MID1: variants seen among roughly 807,000 people sequenced by gnomAD.
MID1 encodes the protein midline 1.
In MID1, 7 loss-of-function variants were observed where a neutral mutation model predicts 40.4. That is an observed-to-expected ratio of 0.17 (90% CI 0.10 to 0.33). MID1 has a LOEUF of 0.33. Among genes scored for constraint, MID1 ranks in the 10% least tolerant of loss-of-function variants. The pLI, the probability that MID1 is intolerant of heterozygous loss-of-function variation, is 1.00. For synonymous variants in MID1, 229 were observed against 221.2 expected, an observed-to-expected ratio of 1.04 and a Z score of -0.31; for missense variants, 367 against 558.5, an observed-to-expected ratio of 0.66 and a Z score of 3.46.
intron 3 of MID1, 47 bp downstream of exon 3, chrX:10,523,045 G>A (rs1210292021): frequency 1.1e-6 from 1 of 871,559 alleles, no homozygotes; most frequent in East Asian, 3.1e-5. Context: ...CCTTGATCTG[G>A]CAGTTTTCAT....
chrX:10,661,632 A>G (rs1569140916), intron 1 of MID1, among the ~76,000 whole-genome samples: 1 of 111,773 alleles, frequency 8.9e-6, no homozygotes, highest in East Asian at 2.8e-4. Flanking sequence ...CAACTATTTC[A>G]TAATAAAAAA....
At chrX:10,695,472 A>T (rs1051970671) in intron 1 of MID1, among the ~76,000 whole-genome samples, 3 of 111,576 alleles carry the variant, frequency 2.7e-5, no homozygotes, top group Non-Finnish European at 3.8e-5. Flanking sequence ...TGCATTTCTG[A>T]CTATTGAATG....
At chrX:10,546,006 A>G (rs1933668189) in intron 2 of MID1, among the ~76,000 whole-genome samples, 1 of 110,899 alleles carries the variant, frequency 9.0e-6, no homozygotes, top group African/African-American at 3.3e-5. Context: ...GATATTGCCA[A>G]TGTATTTTAA....
At chrX:10,573,989 G>C (rs779480191) in intron 1 of MID1, among the ~76,000 whole-genome samples, 1 of 111,738 alleles carries the variant, frequency 8.9e-6, no homozygotes, top group South Asian at 3.8e-4. Context: ...CCAGACAGCA[G>C]ACACCACAGT....
chrX:10,540,623 G>C (rs1001902514), intron 2 of MID1, among the ~76,000 whole-genome samples: 1 of 111,116 alleles, frequency 9.0e-6, no homozygotes, highest in African/African-American at 3.3e-5. Flanking sequence ...TGCATAATGA[G>C]GATCTCATCC....
rs1014376419 is a variant in MID1, at chrX:10,449,470, C to T, written c.1902G>A (p.Ala634=). 8 of 1,211,514 alleles carry T rather than the reference C, an allele frequency of 6.6e-6. No homozygotes were observed. The East Asian group carries it at 1.2e-4, about 18-fold the overall frequency. Residue 634 remains alanine, a synonymous_variant, in exon 10 of 10, where the codon GCG becomes GCA. Coordinates refer to ENST00000317552, the MANE Select transcript of MID1 (RefSeq NM_000381.4). ...IHLYTFDVAF[A]QPVCPTFTVW... ...CGGTGAAGGTGGGGCAAACAGGCTGCGCAAATGCGACGTCGAAGGTGTAGA... is the reference window on the plus strand; with the variant it reads ...CGGTGAAGGTGGGGCAAACAGGCTGTGCAAATGCGACGTCGAAGGTGTAGA...
chrX:10,581,272 A>AAAAC lies in MID1; in HGVS notation c.-56-13673_-56-13670dup, dbSNP rs201915419. Among the ~76,000 whole-genome samples, 251 of 111,553 alleles carry AAAAC rather than the reference A, an allele frequency of 2.3e-3. 2 individuals are homozygous for AAAAC. Among genetic ancestry groups the AAAAC allele is most frequent in the African/African-American group, 7.8e-3 (237 of 30,457 alleles). ...GTCATATAAAACAAAACAAAAACAA[A>AAAAC]AAACAAACAAACAAACAAACAAAAA... is the stretch of plus-strand genomic sequence containing the variant. On this transcript the variant is annotated intron_variant, in intron 1 of 9. Transcript: ENST00000317552.
At chrX:10,661,954 C>T (rs1415975644) in intron 1 of MID1, among the ~76,000 whole-genome samples, 2 of 112,291 alleles carry the variant, frequency 1.8e-5, no homozygotes, top group Non-Finnish European at 3.8e-5. Flanking sequence ...ATTTACAATT[C>T]TCATAAATCT....
At chrX:10,519,249 TCCTA>T (rs1477918253) in intron 3 of MID1, among the ~76,000 whole-genome samples, 1 of 111,559 alleles carries the variant, frequency 9.0e-6, no homozygotes, top group Non-Finnish European at 1.9e-5. Flanking sequence ...TTTCTTACTA[TCCTA>T]AACATCAAAT....
chrX:10,483,298 T>G (rs1203145987), intron 4 of MID1, among the ~76,000 whole-genome samples: 2 of 111,872 alleles, frequency 1.8e-5, no homozygotes, highest in Non-Finnish European at 3.8e-5. Context: ...TGTGCTTACT[T>G]GATAACTAGG....
intron 1 of MID1, among the ~76,000 whole-genome samples, chrX:10,595,382 T>C (rs1416092335): frequency 9.0e-6 from 1 of 111,638 alleles, no homozygotes; most frequent in Non-Finnish European, 1.9e-5. Context: ...TATTCAGCCA[T>C]AAAAAGGATG....
At chrX:10,459,540 CTGTCAA>C (rs1928894569) in intron 8 of MID1, 100 bp downstream of exon 8, 5 of 885,538 alleles carry the variant, frequency 5.6e-6, no homozygotes, top group African/African-American at 1.9e-5. Flanking sequence ...TTTTGGGGGG[CTGTCAA>C]TGATACCCAA....
At chrX:10,480,336 G>A (rs761348089) in intron 5 of MID1, among the ~76,000 whole-genome samples, 1 of 112,439 alleles carries the variant, frequency 8.9e-6, no homozygotes, top group East Asian at 2.8e-4. Flanking sequence ...CTATACTTCA[G>A]ATGCATATCT....
chrX:10,575,980 T>A (rs1486880395), intron 1 of MID1, among the ~76,000 whole-genome samples: 1 of 108,676 alleles, frequency 9.2e-6, no homozygotes, highest in African/African-American at 3.3e-5. Flanking sequence ...GCCAAGAAAA[T>A]TGTAGGGGAC....
chrX:10,518,698 CATT>C, intron 3 of MID1, among the ~76,000 whole-genome samples: 1 of 111,792 alleles, frequency 8.9e-6, no homozygotes, highest in Non-Finnish European at 1.9e-5. Flanking sequence ...CTGTAAGTAT[CATT>C]ATTTTTGTAC....
intron 3 of MID1, among the ~76,000 whole-genome samples, chrX:10,511,291 C>A (rs1233901284): frequency 9.1e-6 from 1 of 110,153 alleles, no homozygotes; most frequent in Non-Finnish European, 1.9e-5. Flanking sequence ...CATTTCAAAG[C>A]AAATCTGTCA....
intron 1 of MID1, among the ~76,000 whole-genome samples, chrX:10,760,950 T>C (rs937204056): frequency 8.9e-6 from 1 of 112,202 alleles, no homozygotes; most frequent in African/African-American, 3.2e-5. Flanking sequence ...GTAGAATCTA[T>C]AGAATATTTA....
chrX:10,700,115 C>A (rs1183694250), intron 1 of MID1, among the ~76,000 whole-genome samples: 1 of 111,122 alleles, frequency 9.0e-6, no homozygotes, highest in Non-Finnish European at 1.9e-5. Flanking sequence ...AGCCACCATG[C>A]CTGGCTAGCT....
At chrX:10,743,162 G>A (rs757807499) in intron 1 of MID1, among the ~76,000 whole-genome samples, 126 of 112,530 alleles carry the variant, frequency 1.1e-3, no homozygotes, top group South Asian at 6.2e-3. Context: ...AACATGATGC[G>A]TTACAGCGGC....
Sources: gnomAD v4.1 joint callset for allele counts (sites outside exome capture counted in the v4.1 genomes callset) on GRCh38, gnomAD v4.1.1 for gene constraint, MANE v1.5 for transcripts, NCBI Gene and HGNC (gene_info 2026-07-23, HGNC 2026-07-21) for gene names.